Variants in PRKD1 observed in about 807,000 individuals in gnomAD.
PRKD1 encodes the protein serine/threonine-protein kinase D1.
A neutral mutation model predicts 95.9 loss-of-function variants in PRKD1; 63 were observed. The ratio of observed to expected loss-of-function variants is 0.66; its 90% CI spans 0.54 to 0.81. The LOEUF (loss-of-function observed/expected upper bound fraction) is 0.81, where lower values mean the gene tolerates loss of function less well. PRKD1 is among the 30% of genes least tolerant of loss of function. The probability of loss-of-function intolerance (pLI) is 0.00; values close to 1 mark genes in which losing one functional copy is unlikely to be tolerated. For synonymous variants in PRKD1, 425 were observed against 423.1 expected, an observed-to-expected ratio of 1.00 and a Z score of -0.05; for missense variants, 1,048 against 1,165.3, an observed-to-expected ratio of 0.90 and a Z score of 1.47.
At chr14:29,788,242 T>A (rs577710821) in intron 1 of PRKD1, among the ~76,000 whole-genome samples, 1 of 152,318 alleles carries the variant, frequency 6.6e-6, no homozygotes, top group South Asian at 2.1e-4. Flanking sequence ...GTATAGTATC[T>A]CATTCTCTTT....
chr14:29,826,826 T>TATACAC (rs1891197089), intron 1 of PRKD1, among the ~76,000 whole-genome samples: 1 of 21,190 alleles, frequency 4.7e-5, no homozygotes, highest in African/African-American at 2.2e-4. Flanking sequence ...CATATATATA[T>TATACAC]ATATATATAT....
Position 29,629,033 on chromosome 14 carries a change from A to G in PRKD1, c.1725+8T>C, listed in dbSNP as rs190307080. Reference sequence around the variant, plus strand: ...TAGCAAGTTTTATATTAGTAGGTACATACTTACCACATTTTCTTGAATCTG... The same window carrying G: ...TAGCAAGTTTTATATTAGTAGGTACGTACTTACCACATTTTCTTGAATCTG... On this transcript the variant is annotated splice_region_variant and intron_variant, in intron 11 of 17. Transcript: ENST00000331968. 1 of 1,588,040 alleles carries G rather than the reference A, an allele frequency of 6.3e-7. No homozygotes were observed. The highest frequency in any genetic ancestry group is 2.3e-5 in the East Asian group (1 of 44,250).
rs191887283 is a variant in PRKD1, at chr14:29,790,215, T to C, written c.265-64541A>G. Among the ~76,000 whole-genome samples the C allele has an allele frequency of 6.3e-3, 958 of 151,952 alleles. 7 individuals carry two copies. The highest frequency in any genetic ancestry group is 0.011 in the Non-Finnish European group (726 of 67,962). ...TTAGTAGAGATGAGGTTTCACCACC[T>C]TGGCCAGGATGGTCTCGATCTCTTG... On this transcript the variant is annotated intron_variant, in intron 1 of 17. Transcript: ENST00000331968.
intron 6 of PRKD1, among the ~76,000 whole-genome samples, chr14:29,638,145 A>G (rs1277236059): frequency 1.3e-5 from 2 of 152,142 alleles, no homozygotes; most frequent in Admixed American, 6.5e-5. Flanking sequence ...ACAGAGGAAA[A>G]GAGACTGAGA....
At chr14:29,856,683 G>C (rs1892517850) in intron 1 of PRKD1, among the ~76,000 whole-genome samples, 1 of 152,184 alleles carries the variant, frequency 6.6e-6, no homozygotes, top group Non-Finnish European at 1.5e-5. Flanking sequence ...ATACCATGAA[G>C]TCCAGGAAAG....
chr14:29,650,350 C>T (rs1881412057), intron 4 of PRKD1: 1 of 152,482 alleles, frequency 6.6e-6, no homozygotes, highest in Non-Finnish European at 1.5e-5. Context: ...CAGGAATCCC[C>T]TTTACTGGTT....
chr14:29,864,134 T>G (rs2139364695), intron 1 of PRKD1, among the ~76,000 whole-genome samples: 1 of 152,168 alleles, frequency 6.6e-6, no homozygotes, highest in South Asian at 2.1e-4. Flanking sequence ...CTTAGCCACA[T>G]TAATTAAAAC....
At chr14:29,735,357 C>T (rs1886662157) in intron 1 of PRKD1, among the ~76,000 whole-genome samples, 1 of 152,152 alleles carries the variant, frequency 6.6e-6, no homozygotes, top group African/African-American at 2.4e-5. Context: ...AAGGTTGTCC[C>T]TGATTAGAAA....
At chr14:29,864,239 A>C (rs990796419) in intron 1 of PRKD1, among the ~76,000 whole-genome samples, 5 of 152,116 alleles carry the variant, frequency 3.3e-5, no homozygotes, top group Admixed American at 6.6e-5. Context: ...CAACTATATA[A>C]CTGTACAGAA....
intron 2 of PRKD1, among the ~76,000 whole-genome samples, chr14:29,701,671 A>G (rs904212471): frequency 1.3e-5 from 2 of 152,230 alleles, no homozygotes; most frequent in South Asian, 4.1e-4. Context: ...TAACTCTTAC[A>G]TATCATGAGC....
At chr14:29,881,705 T>C (rs1893518516) in intron 1 of PRKD1, among the ~76,000 whole-genome samples, 1 of 152,180 alleles carries the variant, frequency 6.6e-6, no homozygotes, top group South Asian at 2.1e-4. Flanking sequence ...CCATGGACTT[T>C]CACTTGGCTT....
intron 1 of PRKD1, among the ~76,000 whole-genome samples, chr14:29,739,715 G>A (rs1003560187): frequency 6.6e-6 from 1 of 151,954 alleles, no homozygotes; most frequent in Admixed American, 6.6e-5. Context: ...TCCTTCCTTG[G>A]GCATATAAAT....
intron 1 of PRKD1, among the ~76,000 whole-genome samples, chr14:29,865,440 T>C (rs1953208): frequency 0.017 from 2,532 of 152,334 alleles, 34 homozygotes; most frequent in Non-Finnish European, 0.027. Flanking sequence ...AGAAGTGAAG[T>C]GATTCATCCT....
At position 29,630,788 on chromosome 14, in the gene PRKD1, G is replaced by T. The variant is rs375056616; in HGVS notation, c.1626C>A (p.Pro542=). The T allele has an allele frequency of 2.5e-6, 4 of 1,614,030 alleles. No homozygotes were observed. In the South Asian group the frequency reaches 4.4e-5, roughly 18 times the overall value. The change falls in exon 10 of 18, where the codon CCC becomes CCA. Residue 542 remains proline (P), a synonymous_variant. Transcript: ENST00000331968. ...CCACGGAGGAGCCCTTGGGAATGAC[G>T]GGCATAAGGGCATGCTGGATGGCTA... is the stretch of plus-strand genomic sequence containing the variant. The part of the protein sequence containing the change: ...WEIAIQHALM[P]VIPKGSSVGT...
intron 4 of PRKD1, among the ~76,000 whole-genome samples, chr14:29,656,676 G>T (rs1881861123): frequency 6.6e-6 from 1 of 152,086 alleles, no homozygotes; most frequent in Non-Finnish European, 1.5e-5. Context: ...TAACTACAGA[G>T]ATATCTGAGT....
chr14:29,598,431 C>T (rs1014799798), intron 15 of PRKD1, among the ~76,000 whole-genome samples: 22 of 151,888 alleles, frequency 1.4e-4, no homozygotes, highest in Non-Finnish European at 5.9e-5. Flanking sequence ...GGCAGGAAAG[C>T]GTTATGCAAA....
chr14:29,777,207 T>C (rs926184333), intron 1 of PRKD1, among the ~76,000 whole-genome samples: 3 of 152,084 alleles, frequency 2.0e-5, no homozygotes, highest in Non-Finnish European at 2.9e-5. Flanking sequence ...ATTGTAAAGA[T>C]CATCAATGCT....
intron 1 of PRKD1, among the ~76,000 whole-genome samples, chr14:29,759,203 T>C (rs1238903665): frequency 1.3e-5 from 2 of 151,796 alleles, no homozygotes; most frequent in African/African-American, 2.4e-5. Context: ...ATTAGGTGCA[T>C]AGGCAGTGAG....
chr14:29,827,325 G>C (rs1416148265), intron 1 of PRKD1, among the ~76,000 whole-genome samples: 1 of 152,024 alleles, frequency 6.6e-6, no homozygotes, highest in Non-Finnish European at 1.5e-5. Flanking sequence ...TAAGAATTCA[G>C]TGAGGTAAAT....
Sources: allele counts gnomAD v4.1 joint callset (sites outside exome capture counted in the v4.1 genomes callset), GRCh38; gene constraint gnomAD v4.1.1; transcripts MANE v1.5; gene names NCBI Gene and HGNC (gene_info 2026-07-23, HGNC 2026-07-21).